Variants in ERCC2 observed in about 807,000 individuals in gnomAD.
The protein encoded by ERCC2 is general transcription and DNA repair factor IIH helicase subunit XPD.
In ERCC2, 90 loss-of-function variants were observed where a neutral mutation model predicts 99.4. The ratio of observed to expected loss-of-function variants is 0.91; its 90% confidence interval spans 0.76 to 1.08. The LOEUF is 1.08. Ranked by LOEUF, ERCC2 falls within the 50% of genes least tolerant of loss-of-function variation. The pLI is 0.00. For missense variants in ERCC2, 993 were observed against 1,038.1 expected, an observed-to-expected ratio of 0.96 and a Z score of 0.60; for synonymous variants, 497 against 432.4, an observed-to-expected ratio of 1.15 and a Z score of -1.85.
At chr19:45,370,073 A>G (rs1032775266) in intron 2 of ERCC2, 60 bp downstream of exon 2, 87 of 1,523,092 alleles carry the variant, frequency 5.7e-5, no homozygotes, top group Non-Finnish European at 7.7e-5. Flanking sequence ...AATCTGTCTT[A>G]GGCCCAGGCG....
chr19:45,351,551 G>T lies in ERCC2; in HGVS notation c.*78C>A, dbSNP rs544163707. On this transcript the variant is annotated 3_prime_UTR_variant, in exon 23 of 23. Transcript: ENST00000391945. ...TCACCTGACTTCATAAGACCTTCTA[G>T]CACCACCGCCGCTGGGAACCAGGGC... The T allele has an allele frequency of 6.3e-5, 101 of 1,607,130 alleles. No individual in the cohort carries two copies. In the East Asian group the frequency reaches 2.2e-3, roughly 35 times the overall value.
At chr19:45,355,778 G>C in intron 15 of ERCC2, 50 bp from the exon 16 acceptor site, 1 of 1,467,656 alleles carries the variant, frequency 6.8e-7, no homozygotes, top group Non-Finnish European at 9.5e-7. Flanking sequence ...AACTGCTCCA[G>C]CGTGAGTGCT....
In ERCC2 at chr19:45,350,421, CGCCCCTCTCGGTGAGCCCCTA is replaced by C; in HGVS notation, c.*1187_*1207del. On this transcript the variant is annotated 3_prime_UTR_variant, in exon 23 of 23. Coordinates refer to ENST00000391945, the MANE Select transcript of ERCC2 (RefSeq NM_000400.4). ...AAATCCTCCACAAGGAGGACCTACC[CGCCCCTCTCGGTGAGCCCCTA>C]GCCCCTGTCTGTCTTCCCTCCTGGT... 3 of 1,613,874 alleles carry C rather than the reference CGCCCCTCTCGGTGAGCCCCTA, an allele frequency of 1.9e-6. No homozygotes were observed. In the South Asian group the frequency reaches 3.3e-5, roughly 18 times the overall value.
chr19:45,357,225 C>G (rs1451941440), intron 15 of ERCC2, 45 bp downstream of exon 15: 2 of 1,437,834 alleles, frequency 1.4e-6, no homozygotes, highest in East Asian at 4.7e-5. Flanking sequence ...CGGCCCCTTG[C>G]CCCCATCTCC....
At chr19:45,354,565 C>G (rs1272507844) in intron 17 of ERCC2, among the ~76,000 whole-genome samples, 165 bp downstream of exon 17, 1 of 152,170 alleles carries the variant, frequency 6.6e-6, no homozygotes, top group African/African-American at 2.4e-5. Flanking sequence ...GGGGGCGGGG[C>G]ATGGGGGTGT....
In ERCC2 at chr19:45,365,107, T is replaced by C; in HGVS notation, c.412A>G (p.Thr138Ala). The change falls in exon 6 of 23, where the codon ACA becomes GCA. Residue 138 changes from threonine to alanine, a missense_variant. By Grantham distance (58) the Thr-to-Ala change is moderately conservative. Transcript: ENST00000391945. ...TACTGCGCCCGCACATAGGAGGCTG[T>C]GAGGCTGTGGCATTTCCCATCGACG... ...KDVDGKCHSL[T>A]ASYVRAQYQH... 1 of 1,614,116 alleles carries C rather than the reference T, an allele frequency of 6.2e-7. No individual in the cohort carries two copies. Among genetic ancestry groups the C allele is most frequent in the Non-Finnish European group, 8.5e-7 (1 of 1,180,000 alleles).
chr19:45,352,685 G>A lies in ERCC2; in HGVS notation c.1903-36C>T, dbSNP rs374186636. The A allele has an allele frequency of 8.1e-6, 13 of 1,613,866 alleles. No individual in the cohort carries two copies. In the African/African-American group the frequency reaches 1.6e-4, roughly 20 times the overall value. ...GGAGGATGAGAAGCTGGGGAGGTGG[G>A]GGAGCCACTCCTCCCTTGATCCTAA... On this transcript the variant is annotated intron_variant, in intron 20 of 22. Coordinates refer to ENST00000391945, the MANE Select transcript of ERCC2 (RefSeq NM_000400.4).
chr19:45,363,986 C>T lies in ERCC2; in HGVS notation c.949G>A (p.Glu317Lys). 1 of 1,540,740 alleles carries T rather than the reference C, an allele frequency of 6.5e-7. No individual in the cohort carries two copies. The highest frequency in any genetic ancestry group is 1.4e-5 in the African/African-American group (1 of 73,222). The change falls in exon 10 of 23, where the codon GAG becomes AAG. Residue 317 changes from glutamate (E) to lysine (K), a missense_variant and splice_region_variant. Glu to Lys is a moderately conservative substitution (Grantham distance 56). Transcript: ENST00000391945. The part of the protein sequence containing the change: ...NPVLPDEVLQ[E>K]AVPGSIRTAE... ...GGGGCAGCGGGGGGTCGGGGCTCAC[C>T]CTGCAGCACTTCGTCGGGCAGCACG... is the stretch of plus-strand genomic sequence containing the variant.
rs750438001 is a variant in ERCC2 at position 45,352,733 on chromosome 19, CAG to C, written c.1902+11_1902+12del. 72 of 1,613,840 alleles carry C rather than the reference CAG, an allele frequency of 4.5e-5. No homozygotes were observed. In the South Asian group the frequency reaches 6.6e-4, roughly 15 times the overall value. ...TAACACTGTGGGACTCCCTGGGAGA[CAG>C]AGCTACTCACCTTGAGAATGCGGCT... On this transcript the variant is annotated intron_variant, in intron 20 of 22. Coordinates refer to ENST00000391945, the MANE Select transcript of ERCC2 (RefSeq NM_000400.4).
Position 45,364,340 on chromosome 19 carries a change from G to A in ERCC2, c.719-9C>T, listed in dbSNP as rs775776276. 2.1e-5 allele frequency: 34 copies of A among 1,613,840 alleles called. No homozygotes were observed. The East Asian group carries it at 7.6e-4, about 36-fold the overall frequency. On this transcript the variant is annotated splice_polypyrimidine_tract_variant and intron_variant, in intron 8 of 22. Coordinates refer to ENST00000391945, the MANE Select transcript of ERCC2 (RefSeq NM_000400.4). ...GTCGATGCAGACGTTGTCTGGAGAAGGGGGAGAGAGCCGGCTCAGGCAGGC... is the reference window on the plus strand; with the variant it reads ...GTCGATGCAGACGTTGTCTGGAGAAAGGGGAGAGAGCCGGCTCAGGCAGGC...
chr19:45,360,591 TG>T (rs1224939221), intron 12 of ERCC2, among the ~76,000 whole-genome samples: 2 of 151,958 alleles, frequency 1.3e-5, no homozygotes, highest in African/African-American at 4.8e-5. Context: ...TTGGTCAGGC[TG>T]GTCTCAAACT....
At chr19:45,362,806 G>A (rs562332521) in intron 11 of ERCC2, among the ~76,000 whole-genome samples, 21 of 152,334 alleles carry the variant, frequency 1.4e-4, no homozygotes, top group African/African-American at 5.1e-4. Context: ...CACCCACAGA[G>A]GCAGGGCAGC....
intron 12 of ERCC2, among the ~76,000 whole-genome samples, chr19:45,359,661 C>G (rs530118225): frequency 1.3e-5 from 2 of 152,320 alleles, no homozygotes; most frequent in Non-Finnish European, 2.9e-5. Context: ...TCCCACATCT[C>G]TCTCCAAACC....
Position 45,351,110 on chromosome 19 carries a change from CAGCAGG to C in ERCC2, c.*513_*518del. 1 of 1,607,574 alleles carries C rather than the reference CAGCAGG, an allele frequency of 6.2e-7. No individual in the cohort carries two copies. The highest frequency in any genetic ancestry group is 8.5e-7 in the Non-Finnish European group (1 of 1,176,612). On this transcript the variant is annotated 3_prime_UTR_variant, in exon 23 of 23. Transcript: ENST00000391945. Reference sequence around the variant, plus strand: ...AGGGCGGTCGGGCCAGTGGTGGAGTCAGCAGGTGGTGGGTTGGTGTCAGAAGAGACC... The same window carrying C: ...AGGGCGGTCGGGCCAGTGGTGGAGTCTGGTGGGTTGGTGTCAGAAGAGACC...
At chr19:45,362,763 G>A (rs3916820) in intron 11 of ERCC2, among the ~76,000 whole-genome samples, 2,178 of 152,352 alleles carry the variant, frequency 0.014, 25 homozygotes, top group Middle Eastern at 0.037. Flanking sequence ...CCAATCCTGG[G>A]GAAGATGGGC....
Position 45,353,172 on chromosome 19 carries a change from G to A in ERCC2, c.1759-17C>T, listed in dbSNP as rs766831108. The A allele has an allele frequency of 9.4e-5, 152 of 1,613,712 alleles. No individual in the cohort carries two copies. The highest frequency in any genetic ancestry group is 2.6e-4 in the South Asian group (24 of 91,072). On this transcript the variant is annotated splice_polypyrimidine_tract_variant and intron_variant, in intron 18 of 22. Transcript: ENST00000391945. Reference sequence around the variant, plus strand: ...CTCGCAGGCCTGAGGTGGGGAGACCGAGACGCAAGTTAGGTCACTCCTCAG... The same window carrying A: ...CTCGCAGGCCTGAGGTGGGGAGACCAAGACGCAAGTTAGGTCACTCCTCAG...
At position 45,352,274 on chromosome 19, in the gene ERCC2, T is replaced by G. The variant is rs758758729; in HGVS notation, c.2125A>C (p.Thr709Pro). 45 of 1,613,926 alleles carry G rather than the reference T, an allele frequency of 2.8e-5. No individual in the cohort carries two copies. Among genetic ancestry groups the G allele is most frequent in the Non-Finnish European group, 3.8e-5 (45 of 1,179,974 alleles). The change falls in exon 22 of 23, where the codon ACC (threonine) becomes CCC (proline). Residue 709 changes from threonine to proline, a missense_variant. Coordinates refer to ENST00000391945, the MANE Select transcript of ERCC2 (RefSeq NM_000400.4). Reference protein sequence around the residue: ...EHLTDANLNLTVDEGVQVAKY... With the variant: ...EHLTDANLNLPVDEGVQVAKY... ...GCCACCTGGACACCCTCGTCCACGG[T>G]CAGGTTGAGGTTGGCATCTGTGAGG...
rs376715532 is a variant in ERCC2 at position 45,365,170 on chromosome 19, G to A, written c.361-12C>T. 4.9e-5 allele frequency: 79 copies of A among 1,604,978 alleles called. No homozygotes were observed. In the African/African-American group the frequency reaches 9.4e-4, roughly 19 times the overall value. Reference sequence around the variant, plus strand: ...CGCAGGGGTGTCACCTGGGGGTGTGGGGCATCTTAGCACCCAGACAGGGTG... The same window carrying A: ...CGCAGGGGTGTCACCTGGGGGTGTGAGGCATCTTAGCACCCAGACAGGGTG... On this transcript the variant is annotated splice_polypyrimidine_tract_variant and intron_variant, in intron 5 of 22. Coordinates refer to ENST00000391945, the MANE Select transcript of ERCC2 (RefSeq NM_000400.4).
At chr19:45,354,910 TTAGAAC>T (rs1172142976) in intron 16 of ERCC2, 59 bp from the exon 17 acceptor site, 28 of 1,610,268 alleles carry the variant, frequency 1.7e-5, no homozygotes, top group Non-Finnish European at 1.0e-5. Context: ...CTTCTCTGTC[TTAGAAC>T]TAGGAGTTTC....
Sources: allele counts gnomAD v4.1 joint callset (sites outside exome capture counted in the v4.1 genomes callset), GRCh38; gene constraint gnomAD v4.1.1; transcripts MANE v1.5; gene names NCBI Gene and HGNC (gene_info 2026-07-23, HGNC 2026-07-21).